The following LEF1 variants were observed in gnomAD, a reference collection of about 807,000 sequenced individuals.
The protein encoded by LEF1 is lymphoid enhancer-binding factor 1.
Under a neutral mutation model 51.2 loss-of-function variants are expected in LEF1, and 14 were observed. The observed-to-expected ratio is 0.27, with a 90% CI of 0.18 to 0.43. The LOEUF is 0.43. LEF1 is among the 20% of genes least tolerant of loss of function. LEF1 has a pLI of 1.00. For missense variants in LEF1, 386 were observed against 512.0 expected, an observed-to-expected ratio of 0.75 and a Z score of 2.37; for synonymous variants, 185 against 183.2, an observed-to-expected ratio of 1.01 and a Z score of -0.08.
intron 3 of LEF1, among the ~76,000 whole-genome samples, chr4:108,145,210 C>T (rs922163): frequency 0.59 from 90,424 of 152,042 alleles, 27,384 homozygotes; most frequent in Middle Eastern, 0.74. Flanking sequence ...GTATGCCAGA[C>T]GGTCAAGAAT....
intron 9 of LEF1, among the ~76,000 whole-genome samples, chr4:108,065,673 T>A (rs1313436991): frequency 6.6e-6 from 1 of 152,176 alleles, no homozygotes; most frequent in African/African-American, 2.4e-5. Flanking sequence ...ATATGCACTT[T>A]TATAGAGCCA....
intron 9 of LEF1, among the ~76,000 whole-genome samples, chr4:108,065,748 C>T (rs1299547359): frequency 2.0e-5 from 3 of 152,168 alleles, no homozygotes; most frequent in African/African-American, 7.2e-5. Flanking sequence ...ATTATTACAG[C>T]AGACATAAGC....
chr4:108,112,425 T>C (rs888265671), intron 3 of LEF1, among the ~76,000 whole-genome samples: 2 of 152,214 alleles, frequency 1.3e-5, no homozygotes, highest in Non-Finnish European at 2.9e-5. Context: ...GACTGTGTGA[T>C]GGCCAGTCCC....
intron 11 of LEF1, among the ~76,000 whole-genome samples, chr4:108,059,060 C>T (rs1233567431): frequency 1.3e-5 from 2 of 152,216 alleles, no homozygotes; most frequent in Non-Finnish European, 2.9e-5. Context: ...TTTTAGGGAT[C>T]TCATTTCCAA....
rs774375045 is a variant in LEF1 at position 108,064,347 on chromosome 4, T to C, written c.1154A>G (p.Glu385Gly). ...CTCATGGTGCCTACCTGATGCAGAT[T>C]CCTGTAGTTTCTCTCTCTTCCTCTT... Reference protein sequence around the residue: ...KKKRKREKLQESASGTGPRMT... With the variant: ...KKKRKREKLQGSASGTGPRMT... The change falls in exon 10 of 12, where the codon GAA becomes GGA. Residue 385 changes from glutamate (E) to glycine (G), a missense_variant. This residue lies in a region of LEF1 where 51 missense variants were observed against 121.3 expected (regional missense o/e 0.42). Coordinates refer to ENST00000265165, the MANE Select transcript of LEF1 (RefSeq NM_016269.5). 6 of 1,612,068 alleles carry C rather than the reference T, an allele frequency of 3.7e-6. No homozygotes were observed. Among genetic ancestry groups the C allele is most frequent in the Admixed American group, 1.7e-5 (1 of 60,010 alleles).
intron 2 of LEF1, 126 bp from the exon 3 acceptor site, chr4:108,163,827 A>G (rs1745222260): frequency 1.1e-6 from 1 of 940,614 alleles, no homozygotes; most frequent in African/African-American, 1.7e-5. Context: ...TTTACAAAAT[A>G]CTGTAACTGG....
chr4:108,146,748 C>T (rs898545475), intron 3 of LEF1, among the ~76,000 whole-genome samples: 1 of 152,116 alleles, frequency 6.6e-6, no homozygotes, highest in Non-Finnish European at 1.5e-5. Flanking sequence ...TTTTGATCTT[C>T]ATGTTAGTGT....
chr4:108,138,518 C>CACACAA (rs1312685444), intron 3 of LEF1, among the ~76,000 whole-genome samples: 1 of 152,052 alleles, frequency 6.6e-6, no homozygotes, highest in Admixed American at 6.5e-5. Flanking sequence ...CACACACACA[C>CACACAA]ACACACACAC....
chr4:108,109,793 T>C (rs1039206146), intron 3 of LEF1, among the ~76,000 whole-genome samples: 2 of 152,174 alleles, frequency 1.3e-5, no homozygotes, highest in Non-Finnish European at 2.9e-5. Context: ...GATGGTTTTT[T>C]TAATCCAGAG....
At chr4:108,066,753 AT>A (rs1012739233) in intron 9 of LEF1, among the ~76,000 whole-genome samples, 8 of 152,124 alleles carry the variant, frequency 5.3e-5, no homozygotes, top group South Asian at 2.1e-4. Context: ...AAAACAAAAA[AT>A]TTTTTTTGTT....
intron 3 of LEF1, among the ~76,000 whole-genome samples, chr4:108,123,067 A>T (rs1245185999): frequency 6.6e-6 from 1 of 152,066 alleles, no homozygotes; most frequent in African/African-American, 2.4e-5. Flanking sequence ...TCTTTACTGT[A>T]AGTGTCCATT....
chr4:108,121,037 T>C (rs993894267), intron 3 of LEF1, among the ~76,000 whole-genome samples: 1 of 152,230 alleles, frequency 6.6e-6, no homozygotes, highest in African/African-American at 2.4e-5. Flanking sequence ...GAGACAACCA[T>C]GGCACTTTGC....
intron 3 of LEF1, among the ~76,000 whole-genome samples, chr4:108,112,192 T>C (rs953424593): frequency 6.6e-6 from 1 of 152,160 alleles, no homozygotes. Flanking sequence ...GAAGCTTCCA[T>C]CTCTGGAACC....
chr4:108,100,543 C>T (rs540465439), intron 3 of LEF1, among the ~76,000 whole-genome samples: 1 of 152,230 alleles, frequency 6.6e-6, no homozygotes, highest in South Asian at 2.1e-4. Context: ...TTTAGGGGAA[C>T]ATGCTGAAGA....
At chr4:108,066,769 T>C (rs1578299227) in intron 9 of LEF1, among the ~76,000 whole-genome samples, 1 of 152,198 alleles carries the variant, frequency 6.6e-6, no homozygotes, top group East Asian at 1.9e-4. Context: ...TTTGTTAAAA[T>C]TATACGGACT....
chr4:108,105,110 C>T (rs1553953934), intron 3 of LEF1, among the ~76,000 whole-genome samples: 1 of 151,916 alleles, frequency 6.6e-6, no homozygotes, highest in Non-Finnish European at 1.5e-5. Context: ...GAGCTTAATA[C>T]TATGGGTTTA....
At chr4:108,144,425 AT>A in intron 3 of LEF1, among the ~76,000 whole-genome samples, 1 of 152,210 alleles carries the variant, frequency 6.6e-6, no homozygotes, top group East Asian at 1.9e-4. Context: ...TATCAAGCAG[AT>A]CCCCCTGGGA....
chr4:108,105,637 G>T (rs1021782304), intron 3 of LEF1, among the ~76,000 whole-genome samples: 6 of 152,172 alleles, frequency 3.9e-5, no homozygotes, highest in African/African-American at 1.4e-4. Flanking sequence ...TTCAAATCAT[G>T]AGTTGTACAG....
chr4:108,149,287 G>A (rs570458351), intron 3 of LEF1, among the ~76,000 whole-genome samples: 9 of 149,980 alleles, frequency 6.0e-5, no homozygotes, highest in African/African-American at 1.5e-4. Flanking sequence ...GTGAAACCCC[G>A]CCTCTACTAA....
Sources: allele counts gnomAD v4.1 joint callset (sites outside exome capture counted in the v4.1 genomes callset), GRCh38; gene constraint gnomAD v4.1.1; regional missense constraint gnomAD v4.1.1; transcripts MANE v1.5; gene names NCBI Gene and HGNC (gene_info 2026-07-23, HGNC 2026-07-21).